Variants in PRKG1 observed in about 807,000 individuals in gnomAD.
PRKG1 encodes protein kinase cGMP-dependent 1.
In PRKG1, 35 loss-of-function variants were observed where a neutral mutation model predicts 88.1. The ratio of observed to expected loss-of-function variants is 0.40; its 90% CI spans 0.30 to 0.53. The LOEUF is 0.53. PRKG1 is among the 20% of genes least tolerant of loss of function. The pLI is 0.59. For missense variants in PRKG1, 540 were observed against 839.8 expected (o/e 0.64, Z 4.41); for synonymous variants, 303 against 292.5 (o/e 1.04, Z -0.37).
At chr10:52,107,476 G>A (rs1439660112) in intron 7 of PRKG1, among the ~76,000 whole-genome samples, 3 of 152,128 alleles carry the variant, frequency 2.0e-5, no homozygotes, top group Non-Finnish European at 4.4e-5. Flanking sequence ...AGCCTGCTGA[G>A]CAGTGAGAGT....
intron 3 of PRKG1, among the ~76,000 whole-genome samples, chr10:51,578,980 GTTTTTTT>G (rs752412264): frequency 1.3e-5 from 1 of 77,828 alleles, no homozygotes; most frequent in South Asian, 5.0e-4. Context: ...AGTTCTGTTG[GTTTTTTT>G]TTTTTTTTTT....
chr10:51,716,816 C>A (rs1447898508), intron 3 of PRKG1, among the ~76,000 whole-genome samples: 1 of 152,164 alleles, frequency 6.6e-6, no homozygotes, highest in Admixed American at 6.5e-5. Context: ...CCTCAGCCTC[C>A]CAAGTGACTG....
At chr10:52,095,785 T>C (rs1373319359) in intron 7 of PRKG1, among the ~76,000 whole-genome samples, 1 of 152,180 alleles carries the variant, frequency 6.6e-6, no homozygotes, top group African/African-American at 2.4e-5. Flanking sequence ...GGAGATACAT[T>C]GTTGAGCAAA....
At chr10:51,737,740 AATTATTATTATT>A (rs200144590) in intron 3 of PRKG1, among the ~76,000 whole-genome samples, 1 of 133,434 alleles carries the variant, frequency 7.5e-6, no homozygotes, top group Non-Finnish European at 1.6e-5. Context: ...TTTATTTATT[AATTATTATTATT>A]ATTATTATTA....
chr10:51,748,072 A>G (rs1378903002), intron 3 of PRKG1, among the ~76,000 whole-genome samples: 1 of 152,204 alleles, frequency 6.6e-6, no homozygotes, highest in Non-Finnish European at 1.5e-5. Context: ...TAATATGATT[A>G]CCAAGTATAT....
At chr10:51,332,570 A>G (rs1308246782) in intron 2 of PRKG1, among the ~76,000 whole-genome samples, 1 of 152,230 alleles carries the variant, frequency 6.6e-6, no homozygotes, top group African/African-American at 2.4e-5. Flanking sequence ...ATGTATGTAA[A>G]GATAAAAAGT....
intron 3 of PRKG1, among the ~76,000 whole-genome samples, chr10:51,737,756 A>ATTTTC (rs1564627530): frequency 9.2e-6 from 1 of 108,900 alleles, no homozygotes; most frequent in African/African-American, 3.3e-5. Flanking sequence ...TATTATTATT[A>ATTTTC]TTATTATTAT....
chr10:52,035,321 A>C (rs991709886), intron 5 of PRKG1, among the ~76,000 whole-genome samples: 2 of 152,036 alleles, frequency 1.3e-5, no homozygotes, highest in Non-Finnish European at 2.9e-5. Flanking sequence ...GTGTGTAGGG[A>C]AGGAAGGGGG....
At chr10:52,249,492 G>GTAGCTGTAATGTGCAA (rs1485540273) in intron 9 of PRKG1, among the ~76,000 whole-genome samples, 1 of 152,084 alleles carries the variant, frequency 6.6e-6, no homozygotes, top group African/African-American at 2.4e-5. Context: ...AGATGCTCAG[G>GTAGCTGTAATGTGCAA]TAGCTGTAAT....
At chr10:51,458,774 T>C (rs1839661890) in intron 2 of PRKG1, among the ~76,000 whole-genome samples, 1 of 152,156 alleles carries the variant, frequency 6.6e-6, no homozygotes, top group Non-Finnish European at 1.5e-5. Context: ...GACAGTACAG[T>C]TGTCCCTTGA....
intron 2 of PRKG1, among the ~76,000 whole-genome samples, chr10:51,182,849 A>C (rs1837383430): frequency 2.0e-5 from 3 of 152,208 alleles, no homozygotes; most frequent in Admixed American, 1.3e-4. Flanking sequence ...ATTCATACTT[A>C]GGCATAAGTC....
At chr10:51,020,306 T>C (rs1171135252) in intron 1 of PRKG1, among the ~76,000 whole-genome samples, 1 of 152,212 alleles carries the variant, frequency 6.6e-6, no homozygotes, top group Non-Finnish European at 1.5e-5. Flanking sequence ...CCACTGAGCC[T>C]GGTCAATTTT....
At chr10:51,398,998 T>C (rs1837656337) in intron 2 of PRKG1, among the ~76,000 whole-genome samples, 1 of 152,210 alleles carries the variant, frequency 6.6e-6, no homozygotes, top group Non-Finnish European at 1.5e-5. Context: ...AGACTGCAAC[T>C]ATACCATCAG....
In PRKG1 at chr10:52,219,381, C is replaced by G. The variant is rs986501868; in HGVS notation, c.1077-32189C>G. On this transcript the variant is annotated intron_variant, in intron 9 of 17. Coordinates refer to ENST00000373980, the MANE Select transcript of PRKG1 (RefSeq NM_006258.4). ...CCAGTAATCCTTTGAGTCTAAGATG[C>G]CTTCACTGATAATCTAGAATAGGAT... 4.6e-5 allele frequency among the ~76,000 whole-genome samples: 7 copies of G among 152,144 alleles called. No individual in the cohort carries two copies. In the East Asian group the frequency reaches 7.7e-4, roughly 17 times the overall value.
At chr10:51,567,892 G>T (rs1837649061) in intron 3 of PRKG1, among the ~76,000 whole-genome samples, 1 of 151,952 alleles carries the variant, frequency 6.6e-6, no homozygotes, top group South Asian at 2.1e-4. Flanking sequence ...TGGCCTTAAA[G>T]CATTTCATTT....
chr10:51,770,579 T>C (rs1838279404), intron 3 of PRKG1, among the ~76,000 whole-genome samples: 1 of 152,010 alleles, frequency 6.6e-6, no homozygotes, highest in Non-Finnish European at 1.5e-5. Context: ...TGCGGATGAG[T>C]GAGCATTACC....
At chr10:51,547,761 G>T (rs1842475770) in intron 3 of PRKG1, among the ~76,000 whole-genome samples, 1 of 151,970 alleles carries the variant, frequency 6.6e-6, no homozygotes, top group Admixed American at 6.6e-5. Context: ...CCCTAAACTG[G>T]TCAATGCATA....
At chr10:51,244,786 A>G (rs973797714) in intron 2 of PRKG1, 1 of 152,008 alleles carries the variant, frequency 6.6e-6, no homozygotes, top group Admixed American at 6.6e-5. Flanking sequence ...GCTGTTTTAT[A>G]GTCACTTACT....
At chr10:51,435,861 G>A (rs1838913208) in intron 2 of PRKG1, among the ~76,000 whole-genome samples, 1 of 151,992 alleles carries the variant, frequency 6.6e-6, no homozygotes, top group South Asian at 2.1e-4. Context: ...ACTTATTTGA[G>A]TGTCTGAGCT....
Sources: allele counts gnomAD v4.1 joint callset (sites outside exome capture counted in the v4.1 genomes callset), GRCh38; gene constraint gnomAD v4.1.1; transcripts MANE v1.5; gene names NCBI Gene and HGNC (gene_info 2026-07-23, HGNC 2026-07-21).